The following CDCA7 variants were observed in gnomAD, a reference collection of about 807,000 sequenced individuals.
CDCA7 encodes the protein cell division cycle associated 7.
CDCA7 carries 28 observed loss-of-function variants against 54.0 expected under a neutral mutation model. The observed-to-expected ratio is 0.52, with a 90% CI of 0.38 to 0.71. The LOEUF (loss-of-function observed/expected upper bound fraction) is 0.71, where lower values mean the gene tolerates loss of function less well. Among genes scored for constraint, CDCA7 ranks in the 30% least tolerant of loss-of-function variants. The probability of loss-of-function intolerance (pLI) is 0.00; values close to 1 mark genes in which losing one functional copy is unlikely to be tolerated. For synonymous variants in CDCA7, 180 were observed against 208.2 expected (o/e 0.86, Z 1.16); for missense variants, 484 against 586.0 (o/e 0.83, Z 1.80).
intron 1 of CDCA7, among the ~76,000 whole-genome samples, chr2:173,355,841 G>A (rs1686492375): frequency 6.6e-6 from 1 of 152,116 alleles, no homozygotes; most frequent in Admixed American, 6.6e-5. Flanking sequence ...ATAAATATCA[G>A]GGGTTAGGGA....
rs1235723632 is a variant in CDCA7, at chr2:173,366,518, G to T, written c.1185+86G>T. On this transcript the variant is annotated intron_variant, in intron 8 of 9. Coordinates refer to ENST00000306721, the MANE Select transcript of CDCA7 (RefSeq NM_031942.5). This position sits in a 1 kb window ranked among gnomAD's most constrained non-coding sequence, Gnocchi z 4.5. The stretch of plus-strand genomic sequence containing the variant: ...GCCAGAAAAAGGCATTGGTGAAGGG[G>T]TGGAGCCCTTTCTGTTATGGGGTGC... 6.5e-7 allele frequency: 1 copy of T among 1,531,424 alleles called. No homozygotes were observed. 94.9% of individuals were successfully genotyped at this position (1,531,424 alleles called of 1,614,324 possible).
chr2:173,358,012 A>G (rs565469016), intron 1 of CDCA7, among the ~76,000 whole-genome samples: 90 of 152,138 alleles, frequency 5.9e-4, no homozygotes, highest in African/African-American at 2.0e-3. Flanking sequence ...CATTCTGGCT[A>G]ACACGGTGAA....
rs550196082 is a variant in CDCA7 at position 173,367,411 on chromosome 2, A to C, written c.1322+125A>C. 6.7e-5 allele frequency: 96 copies of C among 1,434,428 alleles called. 1 individual carries two copies. The South Asian group carries it at 1.1e-3, about 17-fold the overall frequency. The allele number at this position is 1,434,428 out of a possible 1,614,324, so 88.9% of individuals were successfully genotyped here. A position where few individuals can be genotyped will look rare whatever the true frequency, so the allele number is the denominator to read the frequency against. The stretch of plus-strand genomic sequence containing the variant: ...GGGTGGAGACTGACTGGAACGGGGC[A>C]CACTGGAAGGGATGGGAACATTTTC... On this transcript the variant is annotated intron_variant, in intron 9 of 9. Coordinates refer to ENST00000306721, the MANE Select transcript of CDCA7 (RefSeq NM_031942.5).
At position 173,366,619 on chromosome 2, in the gene CDCA7, A is replaced by G. The variant is rs1574222034; in HGVS notation, c.1185+187A>G. On this transcript the variant is annotated intron_variant, in intron 8 of 9. Transcript: ENST00000306721. This position sits in a 1 kb window ranked among gnomAD's most constrained non-coding sequence, Gnocchi z 4.5. ...AGTGGCGCGATCTCAGCTCACTGCA[A>G]CCTCCTCCTCCTGGGTTCAAGCGAT... Among the ~76,000 whole-genome samples, 1 of 151,652 alleles carries G rather than the reference A, an allele frequency of 6.6e-6. No homozygotes were observed. The highest frequency in any genetic ancestry group is 1.5e-5 in the Non-Finnish European group (1 of 67,908).
chr2:173,362,182 C>A (rs1357970156), intron 3 of CDCA7, among the ~76,000 whole-genome samples: 1 of 152,148 alleles, frequency 6.6e-6, no homozygotes, highest in Non-Finnish European at 1.5e-5. Flanking sequence ...TGATGAAAAC[C>A]TATATTACTT....
Position 173,366,219 on chromosome 2 carries a change from T to A in CDCA7, c.1036-64T>A. 6.5e-7 allele frequency: 1 copy of A among 1,539,618 alleles called. No individual in the cohort carries two copies. Among genetic ancestry groups the A allele is most frequent in the South Asian group, 1.2e-5 (1 of 81,676 alleles). On this transcript the variant is annotated intron_variant, in intron 7 of 9. Coordinates refer to ENST00000306721, the MANE Select transcript of CDCA7 (RefSeq NM_031942.5). The surrounding 1 kb of genome is among the most constrained non-coding windows in gnomAD (Gnocchi z 4.5). ...TACGAAGAGGGACATTCTGTAAATATGCCATTTCCTCTGTTGAAAAACAGT... is the reference window on the plus strand; with the variant it reads ...TACGAAGAGGGACATTCTGTAAATAAGCCATTTCCTCTGTTGAAAAACAGT...
rs1024566752 is a variant in CDCA7 at position 173,363,218 on chromosome 2, G to C, written c.385-8G>C. On this transcript the variant is annotated splice_polypyrimidine_tract_variant and splice_region_variant and intron_variant, in intron 3 of 9. Transcript: ENST00000306721. ...ATCAAGTCCTAATGACTCAATTGTTGTGATTAGAGGCTGCAGTCAGTTCGG... is the reference window on the plus strand; with the variant it reads ...ATCAAGTCCTAATGACTCAATTGTTCTGATTAGAGGCTGCAGTCAGTTCGG... The C allele has an allele frequency of 6.2e-7, 1 of 1,613,702 alleles. No individual in the cohort carries two copies. The highest frequency in any genetic ancestry group is 1.3e-5 in the African/African-American group (1 of 74,914).
intron 9 of CDCA7, 39 bp downstream of exon 9, chr2:173,367,325 T>G (rs201286609): frequency 1.6e-5 from 26 of 1,612,350 alleles, no homozygotes; most frequent in Non-Finnish European, 2.1e-5. Flanking sequence ...ATCTGAATTT[T>G]ATATTCATTT....
chr2:173,364,979 G>A lies in CDCA7; in HGVS notation c.884G>A (p.Gly295Asp). ...MLVRKRKTVD[G>D]YMNEDDLPRS... ...GTGAGAAAGAGGAAGACCGTGGATGGCTACATGAATGTGAGTTCTCCGCAT... is the reference window on the plus strand; with the variant it reads ...GTGAGAAAGAGGAAGACCGTGGATGACTACATGAATGTGAGTTCTCCGCAT... Residue 295 changes from glycine (G) to aspartate (D), a missense_variant, in exon 6 of 10, where the codon GGC (glycine) becomes GAC (aspartate). Coordinates refer to ENST00000306721, the MANE Select transcript of CDCA7 (RefSeq NM_031942.5). The A allele has an allele frequency of 2.5e-6, 4 of 1,575,302 alleles. No individual in the cohort carries two copies. The highest frequency in any genetic ancestry group is 3.4e-6 in the Non-Finnish European group (4 of 1,166,584).
At chr2:173,360,713 G>A (rs770882813) in intron 3 of CDCA7, among the ~76,000 whole-genome samples, 14 of 152,112 alleles carry the variant, frequency 9.2e-5, no homozygotes, top group Non-Finnish European at 1.6e-4. Context: ...CTAGGCCCAA[G>A]CAATCCTCCC....
At position 173,367,687 on chromosome 2, in the gene CDCA7, C is replaced by T; in HGVS notation, c.*23C>T. The T allele has an allele frequency of 6.2e-7, 1 of 1,613,336 alleles. No individual in the cohort carries two copies. Among genetic ancestry groups the T allele is most frequent in the African/African-American group, 1.3e-5 (1 of 75,020 alleles). Reference sequence around the variant, plus strand: ...TAATATCTGGAAAATTTGCTGCCTGCCTTCTACTTCTCAAATCTTTCTTGT... The same window carrying T: ...TAATATCTGGAAAATTTGCTGCCTGTCTTCTACTTCTCAAATCTTTCTTGT... On this transcript the variant is annotated 3_prime_UTR_variant, in exon 10 of 10. Coordinates refer to ENST00000306721, the MANE Select transcript of CDCA7 (RefSeq NM_031942.5).
In CDCA7 at chr2:173,364,779, T is replaced by C. The variant is rs776323018; in HGVS notation, c.700-16T>C. 9.7e-5 allele frequency: 154 copies of C among 1,589,124 alleles called. 1 individual carries two copies. The highest frequency in any genetic ancestry group is 3.3e-4 in the South Asian group (28 of 85,694). On this transcript the variant is annotated splice_polypyrimidine_tract_variant and intron_variant, in intron 5 of 9. Coordinates refer to ENST00000306721, the MANE Select transcript of CDCA7 (RefSeq NM_031942.5). Reference sequence around the variant, plus strand: ...ATTATGGAATAAATGGATTCCCTTATACGTGCTTTGTTTAGCAATCAAGGA... The same window carrying C: ...ATTATGGAATAAATGGATTCCCTTACACGTGCTTTGTTTAGCAATCAAGGA...
Position 173,366,172 on chromosome 2 carries a change from T to A in CDCA7, c.1036-111T>A, listed in dbSNP as rs1686715328. ...ATATACATGTGTATGTAGAGATTCA[T>A]AGACAAAATGTAAGCCTATACTACG... On this transcript the variant is annotated intron_variant, in intron 7 of 9. Coordinates refer to ENST00000306721, the MANE Select transcript of CDCA7 (RefSeq NM_031942.5). The surrounding 1 kb of genome is among the most constrained non-coding windows in gnomAD (Gnocchi z 4.5). The A allele has an allele frequency of 7.8e-7, 1 of 1,281,766 alleles. No individual in the cohort carries two copies. Among genetic ancestry groups the A allele is most frequent in the African/African-American group, 1.5e-5 (1 of 67,142 alleles). 79.4% of individuals were successfully genotyped at this position (1,281,766 alleles called of 1,614,324 possible).
chr2:173,366,432 G>T lies in CDCA7; in HGVS notation c.1185G>T (p.Pro395=). 1 of 1,613,808 alleles carries T rather than the reference G, an allele frequency of 6.2e-7. No individual in the cohort carries two copies. Among genetic ancestry groups the T allele is most frequent in the Non-Finnish European group, 8.5e-7 (1 of 1,179,866 alleles). The change falls in exon 8 of 10, where the codon CCG becomes CCT. Residue 395 remains proline (P), a splice_region_variant and synonymous_variant. Coordinates refer to ENST00000306721, the MANE Select transcript of CDCA7 (RefSeq NM_031942.5). This position sits in a 1 kb window ranked among gnomAD's most constrained non-coding sequence, Gnocchi z 4.5. The part of the protein sequence containing the change: ...GEEVRDALLD[P]NWHCPPCRGI... ...AGGTCAGGGATGCTCTGCTGGATCC[G>T]GTAGGTGCCTGCCAGGGGTTGGTCC...
Position 173,367,764 on chromosome 2 carries a change from G to A in CDCA7, c.*100G>A, listed in dbSNP as rs1686750904. 1.0e-5 allele frequency: 13 copies of A among 1,241,590 alleles called. No individual in the cohort carries two copies. Among genetic ancestry groups the A allele is most frequent in the Non-Finnish European group, 1.5e-5 (13 of 844,186 alleles). 76.9% of individuals were successfully genotyped at this position (1,241,590 alleles called of 1,614,324 possible). ...CCTGAGTTAAAAATCTTGATGATCA[G>A]CCTGTTTCATAAGAAACTCCAATCA... is the stretch of plus-strand genomic sequence containing the variant. On this transcript the variant is annotated 3_prime_UTR_variant, in exon 10 of 10. Coordinates refer to ENST00000306721, the MANE Select transcript of CDCA7 (RefSeq NM_031942.5).
At chr2:173,355,098 G>C in intron 1 of CDCA7, 114 bp downstream of exon 1, 10 of 1,169,910 alleles carry the variant, frequency 8.5e-6, no homozygotes, top group Non-Finnish European at 1.1e-5. Flanking sequence ...CTGGTGGCCT[G>C]CCTAGGCGTT....
chr2:173,363,733 A>T, intron 4 of CDCA7, 85 bp from the exon 5 acceptor site: 1 of 1,303,594 alleles, frequency 7.7e-7, no homozygotes, highest in Non-Finnish European at 1.1e-6. Context: ...CATGAGATGT[A>T]CTTGAGTATT....
Position 173,365,550 on chromosome 2 carries a change from C to A in CDCA7, c.993C>A (p.Asn331Lys), listed in dbSNP as rs762377778. The change falls in exon 7 of 10, where the codon AAC becomes AAA. Residue 331 changes from asparagine (N) to lysine (K), a missense_variant. This residue lies in a region of CDCA7 where 398 missense variants were observed against 447.4 expected (regional missense o/e 0.89). Transcript: ENST00000306721. ...AAATTACAGAGGAGGAGTTGGAGAA[C>A]GTCTGCAGCAATTCTCGAGAGAAGA... ...VEEITEEELE[N>K]VCSNSREKIY... 6.2e-7 allele frequency: 1 copy of A among 1,614,140 alleles called. No homozygotes were observed. The highest frequency in any genetic ancestry group is 8.5e-7 in the Non-Finnish European group (1 of 1,180,020).
At position 173,366,540 on chromosome 2, in the gene CDCA7, G is replaced by A; in HGVS notation, c.1185+108G>A. 1.4e-6 allele frequency: 2 copies of A among 1,429,666 alleles called. No homozygotes were observed. Among genetic ancestry groups the A allele is most frequent in the Non-Finnish European group, 1.9e-6 (2 of 1,060,480 alleles). The allele number at this position is 1,429,666 out of a possible 1,614,324, so 88.6% of individuals were successfully genotyped here. On this transcript the variant is annotated intron_variant, in intron 8 of 9. Coordinates refer to ENST00000306721, the MANE Select transcript of CDCA7 (RefSeq NM_031942.5). The surrounding 1 kb of genome is among the most constrained non-coding windows in gnomAD (Gnocchi z 4.5). Reference sequence around the variant, plus strand: ...GGGGTGGAGCCCTTTCTGTTATGGGGTGCTCTTCTTTTTTTTTAAGATGGA... The same window carrying A: ...GGGGTGGAGCCCTTTCTGTTATGGGATGCTCTTCTTTTTTTTTAAGATGGA...
Sources: allele counts gnomAD v4.1 joint callset (sites outside exome capture counted in the v4.1 genomes callset), GRCh38; gene constraint gnomAD v4.1.1; regional missense constraint gnomAD v4.1.1; non-coding constraint Gnocchi (gnomAD v3.1); transcripts MANE v1.5; gene names NCBI Gene and HGNC (gene_info 2026-07-23, HGNC 2026-07-21).